Variants in OLR1 observed in about 807,000 individuals in gnomAD.
The protein encoded by OLR1 is oxidized low density lipoprotein receptor 1.
OLR1 carries 23 observed loss-of-function variants against 31.7 expected under a neutral mutation model. The observed-to-expected ratio is 0.72, with a 90% confidence interval of 0.52 to 1.03. The LOEUF (loss-of-function observed/expected upper bound fraction) is 1.03. OLR1 is among the 50% of genes least tolerant of loss of function. OLR1 has a pLI of 0.00. For synonymous variants in OLR1, 117 were observed against 115.8 expected, an observed-to-expected ratio of 1.01 and a Z score of -0.07; for missense variants, 286 against 315.7, an observed-to-expected ratio of 0.91 and a Z score of 0.71.
chr12:10,169,047 A>G, intron 2 of OLR1, 27 bp downstream of exon 2: 1 of 1,508,994 alleles, frequency 6.6e-7, no homozygotes, highest in Non-Finnish European at 9.1e-7. Flanking sequence ...GCCCCAATAA[A>G]CATCAGTTCC....
rs1565419304 is a variant in OLR1 at position 10,160,466 on chromosome 12, T to TG, written c.565-5dup. ...AAATTGCTTGCTGGATGAAGTCCTG[T>TG]GGGGAGTAATGTTTCTGAGTTTGTG... On this transcript the variant is annotated splice_polypyrimidine_tract_variant and splice_region_variant and intron_variant, in intron 4 of 5. Coordinates refer to ENST00000309539, the MANE Select transcript of OLR1 (RefSeq NM_002543.4). 1 of 1,601,362 alleles carries TG rather than the reference T, an allele frequency of 6.2e-7. No homozygotes were observed. Among genetic ancestry groups the TG allele is most frequent in the South Asian group, 1.1e-5 (1 of 90,308 alleles).
At chr12:10,165,140 C>T (rs1948650448) in intron 3 of OLR1, among the ~76,000 whole-genome samples, 1 of 152,052 alleles carries the variant, frequency 6.6e-6, no homozygotes, top group Non-Finnish European at 1.5e-5. Flanking sequence ...GCGGGTGCCT[C>T]TAATCCCAAC....
rs1393333737 is a variant in OLR1 at position 10,169,074 on chromosome 12, A to G, written c.178T>C (p.Leu60=). 1 of 1,599,770 alleles carries G rather than the reference A, an allele frequency of 6.3e-7. No homozygotes were observed. Among genetic ancestry groups the G allele is most frequent in the East Asian group, 2.2e-5 (1 of 44,732 alleles). Residue 60 remains leucine (L), a splice_region_variant and synonymous_variant, in exon 2 of 6, where the codon TTA becomes CTA. Transcript: ENST00000309539. The stretch of plus-strand genomic sequence containing the variant: ...ATCAGTTCCGTATTTTAGCACTTAC[A>G]TTGCATGCCCAGCACCATAATGGTC... ...VVTIMVLGMQ[L]SQVSDLLTQE...
At chr12:10,163,091 T>C (rs768064470) in intron 3 of OLR1, among the ~76,000 whole-genome samples, 15 of 152,154 alleles carry the variant, frequency 9.9e-5, no homozygotes, top group Non-Finnish European at 2.1e-4. Context: ...TATCACTCAC[T>C]ATGTGCCAGA....
chr12:10,174,566 G>T (rs1189539986), upstream of OLR1, among the ~76,000 whole-genome samples: 3 of 152,172 alleles, frequency 2.0e-5, no homozygotes, highest in Non-Finnish European at 4.4e-5. Context: ...CTGGAACTCA[G>T]CCATCAACTC....
intron 3 of OLR1, among the ~76,000 whole-genome samples, chr12:10,161,610 G>A (rs905849212): frequency 6.6e-6 from 1 of 152,008 alleles, no homozygotes; most frequent in African/African-American, 2.4e-5. Flanking sequence ...GTCTCGCTAT[G>A]TTGTCCAGGC....
chr12:10,164,853 G>A lies in OLR1; in HGVS notation c.424+1859C>T, dbSNP rs73260520. On this transcript the variant is annotated intron_variant, in intron 3 of 5. Coordinates refer to ENST00000309539, the MANE Select transcript of OLR1 (RefSeq NM_002543.4). ...CTCTGGATTCTGAGTCCCTTTAGAC[G>A]GCTAAAATTAACTCATTTCTTCTTA... Among the ~76,000 whole-genome samples the A allele has an allele frequency of 1.1e-3, 165 of 152,242 alleles. 1 individual carries two copies. The highest frequency in any genetic ancestry group is 3.4e-3 in the African/African-American group (143 of 41,546).
chr12:10,171,162 A>C (rs914403958), intron 1 of OLR1, among the ~76,000 whole-genome samples: 1 of 152,230 alleles, frequency 6.6e-6, no homozygotes, highest in African/African-American at 2.4e-5. Context: ...CAAATGTTAA[A>C]TCACTCCATG....
At chr12:10,160,949 C>T (rs1948615336) in intron 3 of OLR1, 24 bp from the exon 4 acceptor site, 1 of 1,607,976 alleles carries the variant, frequency 6.2e-7, no homozygotes, top group Middle Eastern at 1.7e-4. Context: ...TATATCTCAT[C>T]AGTCAGTTAT....
chr12:10,167,084 G>T (rs1217922110), intron 2 of OLR1, 127 bp from the exon 3 acceptor site: 1 of 856,218 alleles, frequency 1.2e-6, no homozygotes, highest in African/African-American at 1.7e-5. Flanking sequence ...AAATGACCCA[G>T]ATTTACTCAG....
At chr12:10,169,596 T>C (rs1029304935) in intron 1 of OLR1, among the ~76,000 whole-genome samples, 1 of 152,216 alleles carries the variant, frequency 6.6e-6, no homozygotes, top group Admixed American at 6.5e-5. Flanking sequence ...ACACCACGTG[T>C]ACACATGTGC....
At chr12:10,168,322 G>A (rs1156597192) in intron 2 of OLR1, among the ~76,000 whole-genome samples, 2 of 151,960 alleles carry the variant, frequency 1.3e-5, no homozygotes, top group East Asian at 3.9e-4. Context: ...TTGTGTTTCT[G>A]GTTCTTAACA....
chr12:10,169,749 A>G (rs1948694126), intron 1 of OLR1, among the ~76,000 whole-genome samples: 1 of 152,238 alleles, frequency 6.6e-6, no homozygotes, highest in South Asian at 2.1e-4. Context: ...AACTGGGGTT[A>G]TTAATCAAAG....
intron 3 of OLR1, among the ~76,000 whole-genome samples, chr12:10,164,647 C>A (rs34733039): frequency 0.04 from 6,021 of 152,226 alleles, 129 homozygotes; most frequent in African/African-American, 0.053. Context: ...ATTTACGCAC[C>A]TCCAAGGAAA....
intron 3 of OLR1, among the ~76,000 whole-genome samples, chr12:10,165,113 A>AC (rs1591981293): frequency 6.6e-6 from 1 of 152,282 alleles, no homozygotes; most frequent in East Asian, 1.9e-4. Flanking sequence ...AAATACAAAA[A>AC]TTAGCCAGGT....
Position 10,166,707 on chromosome 12 carries a change from A to G in OLR1, c.424+5T>C. On this transcript the variant is annotated splice_donor_5th_base_variant and intron_variant, in intron 3 of 5. Coordinates refer to ENST00000309539, the MANE Select transcript of OLR1 (RefSeq NM_002543.4). ...ATGTCTCCTTACCCACCCTTCTCCC[A>G]ATACCTGAACAATTTGCTACTCTCT... 2 of 1,613,984 alleles carry G rather than the reference A, an allele frequency of 1.2e-6. No individual in the cohort carries two copies. The highest frequency in any genetic ancestry group is 1.7e-6 in the Non-Finnish European group (2 of 1,179,986).
intron 2 of OLR1, 198 bp from the exon 3 acceptor site, chr12:10,167,155 T>G (rs1043560913): frequency 1.9e-6 from 1 of 534,510 alleles, no homozygotes; most frequent in African/African-American, 1.9e-5. Flanking sequence ...GTCAGGAACA[T>G]TGCAAACACT....
intron 1 of OLR1, among the ~76,000 whole-genome samples, chr12:10,171,667 T>A (rs1591985029): frequency 1.3e-5 from 2 of 152,324 alleles, no homozygotes; most frequent in South Asian, 4.1e-4. Flanking sequence ...CTGGATGATG[T>A]TGTTAGTCCT....
chr12:10,169,532 A>G (rs940298263), intron 1 of OLR1, among the ~76,000 whole-genome samples: 1 of 152,350 alleles, frequency 6.6e-6, no homozygotes, highest in Non-Finnish European at 1.5e-5. Context: ...CTCACAGTCT[A>G]GCTTGGTTGG....
Sources: allele counts gnomAD v4.1 joint callset (sites outside exome capture counted in the v4.1 genomes callset), GRCh38; gene constraint gnomAD v4.1.1; transcripts MANE v1.5; gene names NCBI Gene and HGNC (gene_info 2026-07-23, HGNC 2026-07-21).